Variants in SNTB1 observed in about 807,000 individuals in gnomAD.
SNTB1 encodes the protein syntrophin beta 1.
Under a neutral mutation model 48.9 loss-of-function variants are expected in SNTB1, and 36 were observed. The observed-to-expected ratio is 0.74, with a 90% CI of 0.56 to 0.97. The LOEUF (loss-of-function observed/expected upper bound fraction) is 0.97. Ranked by LOEUF, SNTB1 falls within the 50% of genes least tolerant of loss-of-function variation. The pLI, the probability that SNTB1 is intolerant of heterozygous loss-of-function variation, is 0.00. For missense variants in SNTB1, 786 were observed against 703.4 expected (o/e 1.12, Z -1.33); for synonymous variants, 299 against 294.6 (o/e 1.01, Z -0.15).
chr8:120,684,655 A>ATT lies in SNTB1; in HGVS notation c.788+9035_788+9036dup, dbSNP rs1554652904. ...CTATACCCAACAGGGCAAAAATTGAATTTTTTTTTTTTTTTTTGAGACTGA... is the reference window on the plus strand; with the variant it reads ...CTATACCCAACAGGGCAAAAATTGAATTTTTTTTTTTTTTTTTTTGAGACTGA... On this transcript the variant is annotated intron_variant, in intron 2 of 6. Coordinates refer to ENST00000517992, the MANE Select transcript of SNTB1 (RefSeq NM_021021.4). Among the ~76,000 whole-genome samples, 15 of 141,756 alleles carry ATT rather than the reference A, an allele frequency of 1.1e-4. 1 individual carries two copies. The highest frequency in any genetic ancestry group is 1.0e-3 in the East Asian group (5 of 4,910). 93.0% of individuals were successfully genotyped at this position (141,756 alleles called of 152,430 possible). A position where few individuals can be genotyped will look rare whatever the true frequency, so the allele number is the denominator to read the frequency against.
chr8:120,640,140 A>G (rs980757623), intron 2 of SNTB1, among the ~76,000 whole-genome samples: 6 of 151,646 alleles, frequency 4.0e-5, no homozygotes, highest in African/African-American at 7.3e-5. Flanking sequence ...CTTTGAAGCA[A>G]TTGTGAATGG....
chr8:120,721,028 C>T (rs1398696672), intron 1 of SNTB1, among the ~76,000 whole-genome samples: 1 of 152,180 alleles, frequency 6.6e-6, no homozygotes, highest in Non-Finnish European at 1.5e-5. Context: ...CTGAGACAGC[C>T]TGGGTAGCCT....
chr8:120,678,305 AT>A (rs1163876658), intron 2 of SNTB1, among the ~76,000 whole-genome samples: 1 of 152,116 alleles, frequency 6.6e-6, no homozygotes, highest in Non-Finnish European at 1.5e-5. Context: ...CCAGCTTGGC[AT>A]TGTGACAACA....
chr8:120,632,546 A>T lies in SNTB1; in HGVS notation c.894T>A (p.Asn298Lys). Residue 298 changes from asparagine to lysine, a missense_variant, in exon 3 of 7, where the codon AAT becomes AAA. Coordinates refer to ENST00000517992, the MANE Select transcript of SNTB1 (RefSeq NM_021021.4). ...CAGCAATCACTCGGGTCAGCAGGTC[A>T]TTAACGTTGGAATGGATGGCACTGA... ...AWFSAIHSNV[N>K]DLLTRVIAEV... 6.2e-7 allele frequency: 1 copy of T among 1,614,160 alleles called. No homozygotes were observed. The highest frequency in any genetic ancestry group is 8.5e-7 in the Non-Finnish European group (1 of 1,180,036).
At chr8:120,689,225 G>T (rs561929451) in intron 2 of SNTB1, among the ~76,000 whole-genome samples, 1 of 152,270 alleles carries the variant, frequency 6.6e-6, no homozygotes, top group East Asian at 1.9e-4. Flanking sequence ...AGGCACCTGT[G>T]TGTCACCAAC....
chr8:120,556,410 A>G (rs1815568280), intron 4 of SNTB1, among the ~76,000 whole-genome samples: 1 of 152,234 alleles, frequency 6.6e-6, no homozygotes, highest in Admixed American at 6.5e-5. Flanking sequence ...TGGCACAAAG[A>G]CAAAGAAGGA....
chr8:120,751,369 G>C (rs1819210835), intron 1 of SNTB1, among the ~76,000 whole-genome samples: 2 of 152,144 alleles, frequency 1.3e-5, no homozygotes, highest in Admixed American at 1.3e-4. Context: ...TTTCAGACAG[G>C]AGGGTTTTGT....
At chr8:120,620,301 A>C (rs575678616) in intron 3 of SNTB1, among the ~76,000 whole-genome samples, 2 of 152,354 alleles carry the variant, frequency 1.3e-5, no homozygotes, top group African/African-American at 2.4e-5. Flanking sequence ...ATTTCAATTA[A>C]GTTGTATAAA....
chr8:120,680,954 C>T (rs1225316305), intron 2 of SNTB1, among the ~76,000 whole-genome samples: 1 of 150,330 alleles, frequency 6.7e-6, no homozygotes, highest in Non-Finnish European at 1.5e-5. Context: ...AGTCATAGAA[C>T]CATGCTTGGT....
intron 2 of SNTB1, among the ~76,000 whole-genome samples, chr8:120,652,026 C>T (rs1817418348): frequency 6.6e-6 from 1 of 152,172 alleles, no homozygotes. Context: ...GAGATTTTTA[C>T]TGTATAACTT....
chr8:120,733,242 A>G (rs1818882593), intron 1 of SNTB1, among the ~76,000 whole-genome samples: 1 of 152,236 alleles, frequency 6.6e-6, no homozygotes, highest in East Asian at 1.9e-4. Context: ...GAGTCATCAC[A>G]CTTGAGGTAT....
chr8:120,639,368 G>T (rs1360378776), intron 2 of SNTB1, among the ~76,000 whole-genome samples: 1 of 151,978 alleles, frequency 6.6e-6, no homozygotes, highest in African/African-American at 2.4e-5. Flanking sequence ...AGTTTCTTTT[G>T]CTGTGCAGAA....
At chr8:120,731,696 C>T (rs149844215) in intron 1 of SNTB1, among the ~76,000 whole-genome samples, 4 of 152,166 alleles carry the variant, frequency 2.6e-5, no homozygotes, top group Non-Finnish European at 5.9e-5. Context: ...AGAAGACTGG[C>T]CCTGAATCAC....
chr8:120,588,288 G>A (rs1449349672), intron 3 of SNTB1, among the ~76,000 whole-genome samples: 6 of 151,860 alleles, frequency 4.0e-5, no homozygotes, highest in Non-Finnish European at 5.9e-5. Flanking sequence ...TGGCATTATG[G>A]CTATTCAGTA....
rs1820438556 is a variant in SNTB1 at position 120,811,663 on chromosome 8, C to CT, written c.180_181insA (p.Gly61ArgfsTer158). On this transcript the variant is annotated frameshift_variant, in exon 1 of 7. Transcript: ENST00000517992. LOFTEE classifies it high-confidence loss of function. ...CAGAACGAGCCATTGGTGGCGGTCC[C>CT]GATGCCGTTGTACGCCGCAGCGCCC... 6.3e-7 allele frequency: 1 copy of CT among 1,593,284 alleles called. No homozygotes were observed. The highest frequency in any genetic ancestry group is 1.1e-5 in the South Asian group (1 of 89,100).
intron 1 of SNTB1, among the ~76,000 whole-genome samples, chr8:120,723,240 G>C (rs539433095): frequency 1.3e-5 from 2 of 152,156 alleles, no homozygotes; most frequent in South Asian, 4.2e-4. Context: ...AATACTCATG[G>C]TGTTATGTTG....
At chr8:120,603,415 G>A (rs1587022811) in intron 3 of SNTB1, among the ~76,000 whole-genome samples, 2 of 152,100 alleles carry the variant, frequency 1.3e-5, no homozygotes, top group African/African-American at 4.8e-5. Flanking sequence ...TAGATTTTTA[G>A]TTGTCTTTCC....
At chr8:120,654,039 CAAAAAAAAAAAAAAAAAAA>C (rs58873007) in intron 2 of SNTB1, among the ~76,000 whole-genome samples, 2 of 25,176 alleles carry the variant, frequency 7.9e-5, no homozygotes, top group East Asian at 1.2e-3. Flanking sequence ...GACTCTGCCT[CAAAAAAAAAAAAAAAAAAA>C]AAAAAAAAAA....
intron 1 of SNTB1, among the ~76,000 whole-genome samples, chr8:120,777,208 T>C (rs1221486595): frequency 6.6e-6 from 1 of 152,158 alleles, no homozygotes; most frequent in African/African-American, 2.4e-5. Flanking sequence ...AACAAATCCT[T>C]ACACCATGGA....
Sources: gnomAD v4.1 joint callset for allele counts (sites outside exome capture counted in the v4.1 genomes callset) on GRCh38, gnomAD v4.1.1 for gene constraint, MANE v1.5 for transcripts, NCBI Gene and HGNC (gene_info 2026-07-23, HGNC 2026-07-21) for gene names.